Variants in MTHFS observed in about 807,000 individuals in gnomAD.
MTHFS encodes the protein methenyltetrahydrofolate synthetase.
Under a neutral mutation model 12.7 loss-of-function variants are expected in MTHFS, and 7 were observed. The ratio of observed to expected loss-of-function variants is 0.55; its 90% confidence interval spans 0.31 to 1.03. The LOEUF is 1.03. MTHFS is among the 50% of genes least tolerant of loss of function. MTHFS has a pLI of 0.05. For missense variants in MTHFS, 252 were observed against 258.1 expected (o/e 0.98, Z 0.16); for synonymous variants, 100 against 97.1 (o/e 1.03, Z -0.18).
intron 2 of MTHFS, chr15:79,877,704 A>C (rs1050735241): frequency 1.6e-4 from 24 of 152,082 alleles, no homozygotes; most frequent in African/African-American, 5.8e-4. Flanking sequence ...TATCTCAAAA[A>C]AAAAAGAAAA....
intron 2 of MTHFS, among the ~76,000 whole-genome samples, chr15:79,856,531 T>C (rs937051155): frequency 3.3e-5 from 5 of 152,196 alleles, no homozygotes; most frequent in Non-Finnish European, 7.3e-5. Flanking sequence ...AAACATTATA[T>C]GATCCTAATT....
chr15:79,871,152 G>T (rs2034098785), intron 2 of MTHFS, among the ~76,000 whole-genome samples: 1 of 151,904 alleles, frequency 6.6e-6, no homozygotes, highest in Non-Finnish European at 1.5e-5. Flanking sequence ...CAAAAAAAAA[G>T]AAAAGAAAAG....
chr15:79,852,291 C>T (rs569559218), intron 2 of MTHFS, among the ~76,000 whole-genome samples: 20 of 152,272 alleles, frequency 1.3e-4, no homozygotes, highest in Non-Finnish European at 2.6e-4. Flanking sequence ...TAAAACAGTA[C>T]AGCACATACA....
intron 1 of MTHFS, among the ~76,000 whole-genome samples, chr15:79,894,270 A>G (rs1314304425): frequency 6.6e-6 from 1 of 152,120 alleles, no homozygotes; most frequent in Non-Finnish European, 1.5e-5. Context: ...AATCCCAGCT[A>G]CTTGGGAGGC....
chr15:79,869,253 T>C (rs1289722963), intron 2 of MTHFS, among the ~76,000 whole-genome samples: 1 of 152,198 alleles, frequency 6.6e-6, no homozygotes, highest in Non-Finnish European at 1.5e-5. Flanking sequence ...AAATTCTATA[T>C]CTCTCACAAT....
intron 2 of MTHFS, among the ~76,000 whole-genome samples, chr15:79,849,613 A>T (rs2033676539): frequency 6.6e-6 from 1 of 152,242 alleles, no homozygotes; most frequent in Non-Finnish European, 1.5e-5. Context: ...TAGTCCGTGC[A>T]CAGTTCTGCA....
chr15:79,882,957 G>C (rs541743673), intron 2 of MTHFS, among the ~76,000 whole-genome samples: 3 of 152,356 alleles, frequency 2.0e-5, no homozygotes, highest in African/African-American at 7.2e-5. Flanking sequence ...TATAATCCCA[G>C]CACTCTGGGA....
At chr15:79,850,002 G>A (rs919734256) in intron 2 of MTHFS, among the ~76,000 whole-genome samples, 1 of 152,250 alleles carries the variant, frequency 6.6e-6, no homozygotes, top group South Asian at 2.1e-4. Context: ...GGTGATTAGG[G>A]GCATGGGCCC....
At position 79,858,275 on chromosome 15, in the gene MTHFS, A is replaced by T. The variant is rs115455803; in HGVS notation, c.380-12833T>A. Among the ~76,000 whole-genome samples, 660 of 152,308 alleles carry T rather than the reference A, an allele frequency of 4.3e-3. 7 individuals carry two copies. The highest frequency in any genetic ancestry group is 0.015 in the African/African-American group (634 of 41,566). ...TTGTCTGTAAAGAGATTATTAAATA[A>T]TAGTAATAAGGGGTAGAATAATGTA... On this transcript the variant is annotated intron_variant, in intron 2 of 2. Transcript: ENST00000258874.
chr15:79,897,262 C>T, upstream of MTHFS: 1 of 454,442 alleles, frequency 2.2e-6, no homozygotes, highest in Non-Finnish European at 3.8e-6. Flanking sequence ...GCTGCCCTGC[C>T]GCCTGACCTC....
At position 79,845,074 on chromosome 15, in the gene MTHFS, C is replaced by G. The variant is rs1179442543; in HGVS notation, c.*136G>C. ...AAAGATGGTTTTATATAAGGTATTTCATAATTACAATTTTAAAATGCAGTC... is the reference window on the plus strand; with the variant it reads ...AAAGATGGTTTTATATAAGGTATTTGATAATTACAATTTTAAAATGCAGTC... On this transcript the variant is annotated 3_prime_UTR_variant, in exon 3 of 3. Coordinates refer to ENST00000258874, the MANE Select transcript of MTHFS (RefSeq NM_006441.4). 1.3e-5 allele frequency: 15 copies of G among 1,157,728 alleles called. No homozygotes were observed. The highest frequency in any genetic ancestry group is 1.2e-6 in the Non-Finnish European group (1 of 839,822). The allele number at this position is 1,157,728 out of a possible 1,614,324, so 71.7% of individuals were successfully genotyped here.
chr15:79,851,815 A>C (rs1219608897), intron 2 of MTHFS, among the ~76,000 whole-genome samples: 2 of 152,198 alleles, frequency 1.3e-5, no homozygotes, highest in African/African-American at 4.8e-5. Context: ...AAATGAGATT[A>C]AGTAAAGGTA....
intron 2 of MTHFS, among the ~76,000 whole-genome samples, chr15:79,869,075 A>G (rs2034060836): frequency 2.0e-5 from 3 of 152,346 alleles, no homozygotes; most frequent in Middle Eastern, 3.4e-3. Context: ...CATAAGGAAT[A>G]AAAGTAAGTA....
intron 2 of MTHFS, among the ~76,000 whole-genome samples, chr15:79,859,635 T>C (rs1243140785): frequency 6.6e-6 from 1 of 151,968 alleles, no homozygotes; most frequent in Non-Finnish European, 1.5e-5. Flanking sequence ...TTGGCCAACA[T>C]GGTGAAGGCC....
At chr15:79,872,945 A>G (rs1345675001) in intron 2 of MTHFS, among the ~76,000 whole-genome samples, 2 of 152,186 alleles carry the variant, frequency 1.3e-5, no homozygotes, top group Non-Finnish European at 2.9e-5. Flanking sequence ...AGGGCTGTGC[A>G]CTTCTGAAAG....
Position 79,843,827 on chromosome 15 carries a change from A to G in MTHFS, c.*1383T>C, listed in dbSNP as rs1221586623. Reference sequence around the variant, plus strand: ...CAACATGATAAGCACATCAATGGCCAAGGCCACTCAGACAAGGGAAGGAAC... The same window carrying G: ...CAACATGATAAGCACATCAATGGCCGAGGCCACTCAGACAAGGGAAGGAAC... On this transcript the variant is annotated 3_prime_UTR_variant, in exon 3 of 3. Coordinates refer to ENST00000258874, the MANE Select transcript of MTHFS (RefSeq NM_006441.4). 1 of 152,278 alleles carries G rather than the reference A, an allele frequency of 6.6e-6. No individual in the cohort carries two copies. The highest frequency in any genetic ancestry group is 2.4e-5 in the African/African-American group (1 of 41,474). The allele number at this position is 152,278 out of a possible 1,614,324, so 9.4% of individuals were successfully genotyped here.
chr15:79,892,070 G>T (rs2034484530), intron 1 of MTHFS, among the ~76,000 whole-genome samples: 1 of 150,994 alleles, frequency 6.6e-6, no homozygotes, highest in African/African-American at 2.4e-5. Context: ...TTTTAAATTT[G>T]AAATTCAAAC....
chr15:79,897,278 GC>G (rs1309331163), upstream of MTHFS: 1 of 446,572 alleles, frequency 2.2e-6, no homozygotes, highest in Non-Finnish European at 3.9e-6. Context: ...ACCTCCCTGA[GC>G]CTGGGCCCTC....
At chr15:79,855,103 G>A (rs2033776667) in intron 2 of MTHFS, among the ~76,000 whole-genome samples, 1 of 152,112 alleles carries the variant, frequency 6.6e-6, no homozygotes, top group Non-Finnish European at 1.5e-5. Context: ...CAAAGCCCCA[G>A]ATATTTACTA....
Sources: gnomAD v4.1 joint callset for allele counts (sites outside exome capture counted in the v4.1 genomes callset) on GRCh38, gnomAD v4.1.1 for gene constraint, MANE v1.5 for transcripts, NCBI Gene and HGNC (gene_info 2026-07-23, HGNC 2026-07-21) for gene names.